TMEM132D: variants seen among roughly 807,000 people sequenced by gnomAD.
The protein encoded by TMEM132D is mature OL transmembrane protein.
A neutral mutation model predicts 62.3 loss-of-function variants in TMEM132D; 21 were observed. The observed-to-expected ratio is 0.34, with a 90% CI of 0.24 to 0.49. The LOEUF is 0.49. Among genes scored for constraint, TMEM132D ranks in the 20% least tolerant of loss-of-function variants. TMEM132D has a pLI of 0.99. For synonymous variants in TMEM132D, 621 were observed against 575.6 expected, an observed-to-expected ratio of 1.08 and a Z score of -1.13; for missense variants, 1,346 against 1,402.8, an observed-to-expected ratio of 0.96 and a Z score of 0.65.
At position 129,094,260 on chromosome 12, in the gene TMEM132D, G is replaced by A. The variant is rs528214584; in HGVS notation, c.1444-9558C>T. On this transcript the variant is annotated intron_variant, in intron 5 of 8. Coordinates refer to ENST00000422113, the MANE Select transcript of TMEM132D (RefSeq NM_133448.3). The stretch of plus-strand genomic sequence containing the variant: ...TGAACAGGCAACCTACAGAATGGGA[G>A]AAAGTTTTTGCAATCTACCCATCTG... 2.0e-5 allele frequency among the ~76,000 whole-genome samples: 3 copies of A among 152,288 alleles called. No homozygotes were observed. In the East Asian group the frequency reaches 5.8e-4, roughly 29 times the overall value.
chr12:129,299,342 C>T (rs953718527), intron 4 of TMEM132D, among the ~76,000 whole-genome samples: 3 of 151,214 alleles, frequency 2.0e-5, no homozygotes, highest in Non-Finnish European at 4.4e-5. Flanking sequence ...GCTCCTGGAT[C>T]AAGCCATACC....
At chr12:129,555,717 C>A (rs938530986) in intron 2 of TMEM132D, among the ~76,000 whole-genome samples, 3 of 151,996 alleles carry the variant, frequency 2.0e-5, no homozygotes, top group Non-Finnish European at 2.9e-5. Context: ...CCTTTTATAA[C>A]CCAAATACAA....
chr12:129,357,544 AAAAG>A (rs903397833), intron 3 of TMEM132D, among the ~76,000 whole-genome samples: 16 of 151,894 alleles, frequency 1.1e-4, no homozygotes, highest in Admixed American at 3.9e-4. Context: ...GGAAAGAAAG[AAAAG>A]AAAGAAAGGA....
In TMEM132D at chr12:129,779,518, A is replaced by G. The variant is rs2137289414; in HGVS notation, c.80-78820T>C. On this transcript the variant is annotated intron_variant, in intron 1 of 8. Coordinates refer to ENST00000422113, the MANE Select transcript of TMEM132D (RefSeq NM_133448.3). The surrounding 1 kb of genome is among the most constrained non-coding windows in gnomAD (Gnocchi z 4.1). Reference sequence around the variant, plus strand: ...GGCTGGTCTCAAACTCATGGACTCAAACCACCTGCCTGCCTCAGCCTCCCA... The same window carrying G: ...GGCTGGTCTCAAACTCATGGACTCAGACCACCTGCCTGCCTCAGCCTCCCA... Among the ~76,000 whole-genome samples, 1 of 152,238 alleles carries G rather than the reference A, an allele frequency of 6.6e-6. No homozygotes were observed. Among genetic ancestry groups the G allele is most frequent in the South Asian group, 2.1e-4 (1 of 4,818 alleles).
chr12:129,265,918 T>C (rs941411310), intron 4 of TMEM132D, among the ~76,000 whole-genome samples: 7 of 152,234 alleles, frequency 4.6e-5, no homozygotes, highest in African/African-American at 1.7e-4. Flanking sequence ...TCATTCATGA[T>C]CTCTTCCCAA....
intron 4 of TMEM132D, among the ~76,000 whole-genome samples, chr12:129,251,308 G>T (rs1359565429): frequency 1.4e-5 from 2 of 142,168 alleles, no homozygotes; most frequent in Non-Finnish European, 3.0e-5. Context: ...GCAGTGAGCC[G>T]AGATTGCACC....
intron 2 of TMEM132D, among the ~76,000 whole-genome samples, chr12:129,563,868 C>T (rs944434573): frequency 6.6e-6 from 1 of 152,018 alleles, no homozygotes; most frequent in African/African-American, 2.4e-5. Context: ...TCAGGATGGC[C>T]ATGAATGCTG....
chr12:129,603,872 A>G (rs919543605), intron 2 of TMEM132D, among the ~76,000 whole-genome samples: 2 of 152,206 alleles, frequency 1.3e-5, no homozygotes, highest in Non-Finnish European at 2.9e-5. Context: ...ATGCACACAT[A>G]TATTTACTGC....
In TMEM132D at chr12:129,903,092, C is replaced by G. The variant is rs549607592; in HGVS notation, c.79+169G>C. ...GCCAAGGGGCGTCCGAGGAGCTTGG[C>G]TGCCGCACGAGCGCACGTTCACACG... On this transcript the variant is annotated intron_variant, in intron 1 of 8. Coordinates refer to ENST00000422113, the MANE Select transcript of TMEM132D (RefSeq NM_133448.3). This position sits in a 1 kb window ranked among gnomAD's most constrained non-coding sequence, Gnocchi z 6.2. Among the ~76,000 whole-genome samples, 259 of 152,350 alleles carry G rather than the reference C, an allele frequency of 1.7e-3. No homozygotes were observed. The highest frequency in any genetic ancestry group is 6.0e-3 in the African/African-American group (249 of 41,596).
At chr12:129,246,345 A>G (rs369973612) in intron 4 of TMEM132D, among the ~76,000 whole-genome samples, 1 of 152,200 alleles carries the variant, frequency 6.6e-6, no homozygotes, top group Admixed American at 6.5e-5. Flanking sequence ...TAACAGCACC[A>G]AGGCTGAGCA....
chr12:129,731,186 G>A (rs192063825), intron 1 of TMEM132D, among the ~76,000 whole-genome samples: 4 of 151,916 alleles, frequency 2.6e-5, no homozygotes, highest in African/African-American at 9.7e-5. Flanking sequence ...ATCACACTGT[G>A]GCTTCCTGCC....
chr12:129,834,059 A>C (rs1872926636), intron 1 of TMEM132D, among the ~76,000 whole-genome samples: 1 of 152,180 alleles, frequency 6.6e-6, no homozygotes, highest in Non-Finnish European at 1.5e-5. Context: ...ATCACTGTTC[A>C]AGGACTGAGG....
At chr12:129,797,169 G>C (rs911077987) in intron 1 of TMEM132D, among the ~76,000 whole-genome samples, 30 of 152,162 alleles carry the variant, frequency 2.0e-4, no homozygotes, top group African/African-American at 7.2e-4. Context: ...CATCGCGGGA[G>C]GGTGGCAATG....
At chr12:129,309,533 A>G (rs552950624) in intron 4 of TMEM132D, among the ~76,000 whole-genome samples, 1 of 152,298 alleles carries the variant, frequency 6.6e-6, no homozygotes, top group African/African-American at 2.4e-5. Flanking sequence ...GCTTTTAAAG[A>G]TCCTATGTAG....
chr12:129,895,418 A>G (rs1875075275), intron 1 of TMEM132D, among the ~76,000 whole-genome samples: 1 of 152,202 alleles, frequency 6.6e-6, no homozygotes, highest in African/African-American at 2.4e-5. Flanking sequence ...CGGAGTGACC[A>G]CAACAACCAG....
intron 3 of TMEM132D, among the ~76,000 whole-genome samples, chr12:129,448,269 C>T (rs985341933): frequency 6.6e-6 from 1 of 152,112 alleles, no homozygotes; most frequent in Non-Finnish European, 1.5e-5. Flanking sequence ...AGGTTCGTTA[C>T]ACAGGTAAAC....
At chr12:129,116,775 C>T (rs983235515) in intron 5 of TMEM132D, among the ~76,000 whole-genome samples, 1 of 151,968 alleles carries the variant, frequency 6.6e-6, no homozygotes, top group Non-Finnish European at 1.5e-5. Context: ...AACAGGAACT[C>T]GTATTCACTG....
intron 3 of TMEM132D, among the ~76,000 whole-genome samples, chr12:129,529,341 A>T (rs550619937): frequency 6.6e-6 from 1 of 152,366 alleles, no homozygotes; most frequent in African/African-American, 2.4e-5. Flanking sequence ...TCCACCATGC[A>T]TTTCTGCATT....
At chr12:129,452,728 G>A (rs943299440) in intron 3 of TMEM132D, among the ~76,000 whole-genome samples, 3 of 151,998 alleles carry the variant, frequency 2.0e-5, no homozygotes, top group Admixed American at 6.6e-5. Context: ...AGGGGAGAGA[G>A]AGAGACAGAG....
Sources: allele counts gnomAD v4.1 joint callset (sites outside exome capture counted in the v4.1 genomes callset), GRCh38; gene constraint gnomAD v4.1.1; non-coding constraint Gnocchi (gnomAD v3.1); transcripts MANE v1.5; gene names NCBI Gene and HGNC (gene_info 2026-07-23, HGNC 2026-07-21).